UNC5D: variants seen among roughly 807,000 people sequenced by gnomAD.
UNC5D encodes the protein unc-5 netrin receptor D.
Under a neutral mutation model 105.4 loss-of-function variants are expected in UNC5D, and 39 were observed. The ratio of observed to expected loss-of-function variants is 0.37; its 90% confidence interval spans 0.29 to 0.48. The LOEUF (loss-of-function observed/expected upper bound fraction) is 0.48, where lower values mean the gene tolerates loss of function less well. UNC5D is among the 20% of genes least tolerant of loss of function. The pLI, the probability that UNC5D is intolerant of heterozygous loss-of-function variation, is 0.98. For missense variants in UNC5D, 991 were observed against 1,202.4 expected (o/e 0.82, Z 2.60); for synonymous variants, 452 against 450.4 (o/e 1.00, Z -0.04).
intron 8 of UNC5D, among the ~76,000 whole-genome samples, chr8:35,713,697 T>C (rs758866472): frequency 6.6e-6 from 1 of 152,174 alleles, no homozygotes; most frequent in Non-Finnish European, 1.5e-5. Context: ...TTTTATAAAA[T>C]AGACGACCTT....
chr8:35,302,225 G>A (rs1808011300), intron 1 of UNC5D, among the ~76,000 whole-genome samples: 2 of 152,294 alleles, frequency 1.3e-5, no homozygotes, highest in Admixed American at 6.5e-5. Context: ...AATGAGAGAA[G>A]CTCTGAGTCT....
At chr8:35,316,326 A>C (rs1034962256) in intron 1 of UNC5D, among the ~76,000 whole-genome samples, 1 of 152,212 alleles carries the variant, frequency 6.6e-6, no homozygotes, top group African/African-American at 2.4e-5. Context: ...TGAAGGGAGA[A>C]GATTTTAGTT....
chr8:35,603,372 C>T (rs952651324), intron 4 of UNC5D, among the ~76,000 whole-genome samples: 1 of 152,216 alleles, frequency 6.6e-6, no homozygotes, highest in South Asian at 2.1e-4. Flanking sequence ...TTTCTTAATC[C>T]TGAGTTCTAG....
chr8:35,684,615 C>G lies in UNC5D; in HGVS notation c.785C>G (p.Ser262Ter). 1.2e-6 allele frequency: 2 copies of G among 1,613,304 alleles called. No homozygotes were observed. ...GGCTGGTCTTCCTGGACAGAGTGGT[C>G]AGCCTGCAATGTTCGCTGTGGTAGA... The part of the protein sequence containing the change: ...NGGWSSWTEW[S>*]ACNVRCGRGW... Residue 262 changes from serine (S) to a stop codon, truncating the protein, a stop_gained, in exon 6 of 17, where the codon TCA (serine) becomes TGA (stop). Transcript: ENST00000404895. LOFTEE classifies it high-confidence loss of function.
chr8:35,564,561 T>C (rs1817195587), intron 2 of UNC5D, among the ~76,000 whole-genome samples: 1 of 152,150 alleles, frequency 6.6e-6, no homozygotes, highest in Non-Finnish European at 1.5e-5. Context: ...TACTTTCTAA[T>C]ATGCATGCTC....
chr8:35,380,659 T>C (rs1802990246), intron 1 of UNC5D, among the ~76,000 whole-genome samples: 1 of 152,168 alleles, frequency 6.6e-6, no homozygotes, highest in African/African-American at 2.4e-5. Flanking sequence ...CAAAGCTTAT[T>C]TGAACCTGGT....
chr8:35,487,287 A>G (rs893489561), intron 1 of UNC5D, among the ~76,000 whole-genome samples: 1 of 151,118 alleles, frequency 6.6e-6, no homozygotes, highest in African/African-American at 2.4e-5. Flanking sequence ...GTTTCTGTGA[A>G]GGTGTGGTTT....
rs1177014089 is a variant in UNC5D, at chr8:35,252,019, C to CTTT, written c.103+16152_103+16154dup. On this transcript the variant is annotated intron_variant, in intron 1 of 16. Coordinates refer to ENST00000404895, the MANE Select transcript of UNC5D (RefSeq NM_080872.4). ...ACCCTGTTCCTAACTACCAATGGTTCTTTTTTTTTTTTTTTTTTTTTTGAG... is the reference window on the plus strand; with the variant it reads ...ACCCTGTTCCTAACTACCAATGGTTCTTTTTTTTTTTTTTTTTTTTTTTTTGAG... Among the ~76,000 whole-genome samples, 541 of 117,166 alleles carry CTTT rather than the reference C, an allele frequency of 4.6e-3. 4 individuals carry two copies. Among genetic ancestry groups the CTTT allele is most frequent in the African/African-American group, 7.7e-3 (239 of 30,932 alleles). The allele number at this position is 117,166 out of a possible 152,430, so 76.9% of individuals were successfully genotyped here.
intron 1 of UNC5D, among the ~76,000 whole-genome samples, chr8:35,337,121 A>G (rs1444694131): frequency 6.6e-6 from 1 of 152,206 alleles, no homozygotes; most frequent in Non-Finnish European, 1.5e-5. Flanking sequence ...GATATAATAC[A>G]TCACAGACTT....
At chr8:35,480,564 C>T (rs1810419048) in intron 1 of UNC5D, among the ~76,000 whole-genome samples, 1 of 152,062 alleles carries the variant, frequency 6.6e-6, no homozygotes. Flanking sequence ...CAAAACAAAA[C>T]AATAATCATT....
intron 1 of UNC5D, among the ~76,000 whole-genome samples, chr8:35,435,914 A>G: frequency 6.6e-6 from 1 of 152,042 alleles, no homozygotes; most frequent in East Asian, 1.9e-4. Flanking sequence ...TACATTATGG[A>G]CTTGAAATGA....
At chr8:35,548,264 G>C (rs1815848838) in intron 1 of UNC5D, among the ~76,000 whole-genome samples, 1 of 152,174 alleles carries the variant, frequency 6.6e-6, no homozygotes, top group African/African-American at 2.4e-5. Context: ...TGGTTCACTA[G>C]GTAGTTTTCC....
intron 1 of UNC5D, among the ~76,000 whole-genome samples, chr8:35,458,077 T>C (rs769795572): frequency 2.0e-5 from 3 of 152,108 alleles, no homozygotes; most frequent in Non-Finnish European, 4.4e-5. Context: ...TTATGGTGAT[T>C]ACTGGAGAGC....
chr8:35,727,811 T>G (rs947784682), intron 10 of UNC5D: 17 of 152,122 alleles, frequency 1.1e-4, no homozygotes, highest in Non-Finnish European at 2.4e-4. Context: ...CAGTTGATAA[T>G]TGGAAGATAA....
chr8:35,628,501 G>A (rs1821833022), intron 4 of UNC5D, among the ~76,000 whole-genome samples: 1 of 152,162 alleles, frequency 6.6e-6, no homozygotes, highest in Non-Finnish European at 1.5e-5. Flanking sequence ...AGATGTTCAT[G>A]TACAAAGTGT....
chr8:35,698,137 A>G (rs533694762), intron 7 of UNC5D, among the ~76,000 whole-genome samples: 5 of 152,106 alleles, frequency 3.3e-5, no homozygotes, highest in East Asian at 3.9e-4. Context: ...TAAAAATTGT[A>G]TATGTTTAAA....
At chr8:35,537,225 A>G (rs1349944484) in intron 1 of UNC5D, among the ~76,000 whole-genome samples, 1 of 152,256 alleles carries the variant, frequency 6.6e-6, no homozygotes, top group Admixed American at 6.5e-5. Flanking sequence ...TTAATATTTA[A>G]TTTTGCTAGT....
intron 4 of UNC5D, among the ~76,000 whole-genome samples, chr8:35,604,795 T>G (rs942271544): frequency 6.6e-6 from 1 of 152,234 alleles, no homozygotes; most frequent in African/African-American, 2.4e-5. Context: ...TCATTCATTT[T>G]GTCTTCCATC....
intron 13 of UNC5D, among the ~76,000 whole-genome samples, chr8:35,755,645 G>A (rs1329855846): frequency 1.3e-5 from 2 of 152,180 alleles, no homozygotes; most frequent in African/African-American, 4.8e-5. Context: ...CCTGGCCACA[G>A]CTTCTAGAAC....
Sources: allele counts gnomAD v4.1 joint callset (sites outside exome capture counted in the v4.1 genomes callset), GRCh38; gene constraint gnomAD v4.1.1; transcripts MANE v1.5; gene names NCBI Gene and HGNC (gene_info 2026-07-23, HGNC 2026-07-21).